The following OTOGL variants were observed in gnomAD, a reference collection of about 807,000 sequenced individuals.
OTOGL encodes the protein otogelin like.
In OTOGL, 285 loss-of-function variants were observed where a neutral mutation model predicts 318.5. That is an observed-to-expected ratio of 0.89 (90% CI 0.81 to 0.99). OTOGL has a LOEUF of 0.99. Ranked by LOEUF, OTOGL falls within the 50% of genes least tolerant of loss-of-function variation. The pLI is 0.00. For synonymous variants in OTOGL, 987 were observed against 936.5 expected, an observed-to-expected ratio of 1.05 and a Z score of -0.99; for missense variants, 2,899 against 2,845.6, an observed-to-expected ratio of 1.02 and a Z score of -0.43.
chr12:80,375,750 A>AT (rs1443992171), intron 57 of OTOGL, among the ~76,000 whole-genome samples: 1 of 152,138 alleles, frequency 6.6e-6, no homozygotes, highest in African/African-American at 2.4e-5. Flanking sequence ...CATGGTAAAG[A>AT]TGATTTTTTT....
At chr12:80,187,426 C>T (rs1162783228) in intron 1 of OTOGL, among the ~76,000 whole-genome samples, 2 of 152,016 alleles carry the variant, frequency 1.3e-5, no homozygotes, top group South Asian at 2.1e-4. Context: ...AAGGATGACA[C>T]GAAGCCCAGG....
Position 80,377,894 on chromosome 12 carries a change from A to G in OTOGL, c.6908A>G (p.Tyr2303Cys), listed in dbSNP as rs745609093. Residue 2303 changes from tyrosine to cysteine, a missense_variant, in exon 59 of 59, where the codon TAT becomes TGT. Physicochemically the swap from Tyr to Cys is radical, Grantham distance 194. Transcript: ENST00000547103. ...CDGKCPSATIYNINIESHLRF... is the reference protein window; with the variant it reads ...CDGKCPSATICNINIESHLRF... Reference sequence around the variant, plus strand: ...GGCAAATGCCCATCAGCTACCATATATAACATCAATATTGAAAGTCACCTA... The same window carrying G: ...GGCAAATGCCCATCAGCTACCATATGTAACATCAATATTGAAAGTCACCTA... 5 of 1,611,802 alleles carry G rather than the reference A, an allele frequency of 3.1e-6. No homozygotes were observed. The highest frequency in any genetic ancestry group is 2.2e-5 in the East Asian group (1 of 44,824).
Position 80,340,117 on chromosome 12 carries a change from A to G in OTOGL, c.5050+853A>G, listed in dbSNP as rs542369600. Among the ~76,000 whole-genome samples, 9 of 152,314 alleles carry G rather than the reference A, an allele frequency of 5.9e-5. No individual in the cohort carries two copies. The South Asian group carries it at 1.7e-3, about 28-fold the overall frequency. ...ATAAATGTTGGTTTAGTACAAATAT[A>G]TCTATTTTTAATCTCAGTAAATATT... On this transcript the variant is annotated intron_variant, in intron 43 of 58. Transcript: ENST00000547103.
intron 44 of OTOGL, among the ~76,000 whole-genome samples, chr12:80,344,579 T>C (rs1026535926): frequency 6.6e-6 from 1 of 152,188 alleles, no homozygotes; most frequent in Non-Finnish European, 1.5e-5. Flanking sequence ...CATCAAATTA[T>C]GTTGTGTCTT....
intron 1 of OTOGL, among the ~76,000 whole-genome samples, chr12:80,145,536 T>C (rs944562972): frequency 4.6e-5 from 7 of 151,852 alleles, no homozygotes; most frequent in African/African-American, 1.5e-4. Context: ...GACTTGGCGA[T>C]GCGGGCTCTT....
intron 13 of OTOGL, among the ~76,000 whole-genome samples, 160 bp downstream of exon 13, chr12:80,252,361 GCTA>G (rs1266954435): frequency 6.6e-6 from 1 of 152,158 alleles, no homozygotes; most frequent in African/African-American, 2.4e-5. Context: ...AGGAGGAATG[GCTA>G]CTTTTCATTG....
rs9783425 is a variant in OTOGL at position 80,267,247 on chromosome 12, G to T, written c.2391-6G>T. ...ATCCTATTTACTTTACTTTTTCTTC[G>T]TATAGATTCCACTGCCGTTGTCATT... On this transcript the variant is annotated splice_region_variant and splice_polypyrimidine_tract_variant and intron_variant, in intron 21 of 58. Transcript: ENST00000547103. 2.0e-6 allele frequency: 3 copies of T among 1,513,336 alleles called. No individual in the cohort carries two copies. In the East Asian group the frequency reaches 7.1e-5, roughly 36 times the overall value. The allele number at this position is 1,513,336 out of a possible 1,614,324, so 93.7% of individuals were successfully genotyped here. A position where few individuals can be genotyped will look rare whatever the true frequency, so the allele number is the denominator to read the frequency against.
At chr12:80,178,701 A>G (rs966464338) in intron 1 of OTOGL, among the ~76,000 whole-genome samples, 4 of 152,164 alleles carry the variant, frequency 2.6e-5, no homozygotes, top group Admixed American at 2.6e-4. Context: ...GTATCTGAGT[A>G]TGTTTCATAT....
At position 80,115,413 on chromosome 12, in the gene OTOGL, A is replaced by T. The variant is rs1870100354; in HGVS notation, c.-20+15808A>T. ...CACACCAGACCCTGTTTGCCTGGGTATCACCCGCTGAGGCTGCATAACAGC... is the reference window on the plus strand; with the variant it reads ...CACACCAGACCCTGTTTGCCTGGGTTTCACCCGCTGAGGCTGCATAACAGC... On this transcript the variant is annotated intron_variant, in intron 1 of 58. Transcript: ENST00000547103. 2.0e-5 allele frequency among the ~76,000 whole-genome samples: 3 copies of T among 152,066 alleles called. No individual in the cohort carries two copies. The South Asian group carries it at 6.2e-4, about 32-fold the overall frequency.
intron 15 of OTOGL, 72 bp downstream of exon 15, chr12:80,254,642 C>A (rs1230047026): frequency 5.7e-6 from 7 of 1,237,280 alleles, no homozygotes; most frequent in Middle Eastern, 4.0e-4. Context: ...TAGCACTGAT[C>A]TTTATGAAGA....
intron 1 of OTOGL, among the ~76,000 whole-genome samples, chr12:80,164,776 G>T (rs1183747437): frequency 6.6e-6 from 1 of 152,092 alleles, no homozygotes; most frequent in Admixed American, 6.6e-5. Context: ...ACACTGAGAT[G>T]ACCCAGTGTA....
At chr12:80,253,396 T>G in intron 13 of OTOGL, 70 bp from the exon 14 acceptor site, 1 of 1,396,066 alleles carries the variant, frequency 7.2e-7, no homozygotes, top group Non-Finnish European at 1.0e-6. Context: ...GTTGGTTGAA[T>G]TATTATATTC....
At chr12:80,369,192 AAC>A (rs1290472107) in intron 55 of OTOGL, among the ~76,000 whole-genome samples, 27 of 152,176 alleles carry the variant, frequency 1.8e-4, no homozygotes, top group Admixed American at 1.8e-3. Context: ...ACAAATTAGA[AAC>A]ACATATTTTT....
chr12:80,367,417 A>T, intron 53 of OTOGL, 144 bp from the exon 54 acceptor site: 1 of 548,230 alleles, frequency 1.8e-6, no homozygotes. Context: ...TGGGCCATTA[A>T]AATACGTAAA....
intron 32 of OTOGL, among the ~76,000 whole-genome samples, chr12:80,317,461 C>A (rs1320154920): frequency 6.6e-6 from 1 of 152,074 alleles, no homozygotes; most frequent in South Asian, 2.1e-4. Flanking sequence ...GGGGTGTGTG[C>A]AGCAGGGGAG....
rs1384876793 is a variant in OTOGL at position 80,341,976 on chromosome 12, T to C, written c.5079T>C (p.Asp1693=). ...CGICNEDPDD[D]LRMQNGTIIT... is the part of the protein sequence containing the mutation. ...TTTGCAATGAAGATCCGGATGATGA[T>C]CTAAGGATGCAAAATGGCACAATTA... Residue 1693 remains aspartate, a synonymous_variant, in exon 44 of 59, where the codon GAT becomes GAC. Transcript: ENST00000547103. 5 of 1,607,842 alleles carry C rather than the reference T, an allele frequency of 3.1e-6. No individual in the cohort carries two copies. Among genetic ancestry groups the C allele is most frequent in the South Asian group, 2.2e-5 (2 of 89,756 alleles).
intron 26 of OTOGL, among the ~76,000 whole-genome samples, chr12:80,288,686 G>T (rs953001335): frequency 5.9e-5 from 9 of 151,454 alleles, no homozygotes; most frequent in Non-Finnish European, 1.3e-4. Context: ...TGATTCATTT[G>T]GCTATTGATC....
In OTOGL at chr12:80,336,416, G is replaced by A. The variant is rs773498525; in HGVS notation, c.4604G>A (p.Arg1535Gln). 35 of 1,590,644 alleles carry A rather than the reference G, an allele frequency of 2.2e-5. No homozygotes were observed. The highest frequency in any genetic ancestry group is 3.6e-5 in the Admixed American group (2 of 56,206). Reference protein sequence around the residue: ...ICCPEWECPCRCSMLSELSII... With the variant: ...ICCPEWECPCQCSMLSELSII... The stretch of plus-strand genomic sequence containing the variant: ...CCACTTTCCACCATTTTTATAGGTC[G>A]GTGTTCCATGTTGTCAGAACTGAGC... Residue 1535 changes from arginine (R) to glutamine (Q), a missense_variant, in exon 40 of 59, where the codon CGG becomes CAG. Coordinates refer to ENST00000547103, the MANE Select transcript of OTOGL (RefSeq NM_001378609.3).
At chr12:80,268,091 TG>T (rs1883134813) in intron 22 of OTOGL, among the ~76,000 whole-genome samples, 1 of 152,178 alleles carries the variant, frequency 6.6e-6, no homozygotes, top group South Asian at 2.1e-4. Context: ...ACACTCATTC[TG>T]GTTATAAATT....
Sources: gnomAD v4.1 joint callset for allele counts (sites outside exome capture counted in the v4.1 genomes callset) on GRCh38, gnomAD v4.1.1 for gene constraint, MANE v1.5 for transcripts, NCBI Gene and HGNC (gene_info 2026-07-23, HGNC 2026-07-21) for gene names.